Variants in NUBPL observed in about 807,000 individuals in gnomAD.
NUBPL encodes NUBP iron-sulfur cluster assembly factor, mitochondrial.
In NUBPL, 31 loss-of-function variants were observed where a neutral mutation model predicts 45.7. That is an observed-to-expected ratio of 0.68 (90% CI 0.51 to 0.92). The LOEUF is 0.92. Among genes scored for constraint, NUBPL ranks in the 40% least tolerant of loss-of-function variants. NUBPL has a pLI of 0.00. For synonymous variants in NUBPL, 144 were observed against 140.9 expected (o/e 1.02, Z -0.15); for missense variants, 401 against 398.7 (o/e 1.01, Z -0.05).
chr14:31,616,511 C>T (rs1039102097), intron 4 of NUBPL, among the ~76,000 whole-genome samples: 4 of 151,128 alleles, frequency 2.6e-5, no homozygotes, highest in African/African-American at 9.7e-5. Context: ...TTTTTTAACA[C>T]TGTTTATTAA....
intron 4 of NUBPL, among the ~76,000 whole-genome samples, chr14:31,603,569 G>T (rs914802111): frequency 3.9e-5 from 6 of 152,124 alleles, no homozygotes; most frequent in Admixed American, 1.3e-4. Context: ...AGTTAATTCA[G>T]CATTGCTTAC....
intron 4 of NUBPL, among the ~76,000 whole-genome samples, chr14:31,634,734 A>C (rs1370015773): frequency 6.6e-6 from 1 of 151,818 alleles, no homozygotes; most frequent in Non-Finnish European, 1.5e-5. Context: ...ATTTCTCCAC[A>C]TCCTCTCCAG....
At chr14:31,753,556 G>A (rs1221498277) in intron 6 of NUBPL, among the ~76,000 whole-genome samples, 1 of 152,162 alleles carries the variant, frequency 6.6e-6, no homozygotes, top group Admixed American at 6.5e-5. Flanking sequence ...GGAGCCCCAT[G>A]GATGTGGCAA....
At chr14:31,826,774 C>T (rs966080419) in intron 8 of NUBPL, 60 bp downstream of exon 8, 1 of 1,451,274 alleles carries the variant, frequency 6.9e-7, no homozygotes, top group Non-Finnish European at 9.7e-7. Flanking sequence ...AGAAGCAAGT[C>T]ATTGAAAAAT....
At chr14:31,654,567 C>A (rs1045305369) in intron 4 of NUBPL, among the ~76,000 whole-genome samples, 3 of 152,044 alleles carry the variant, frequency 2.0e-5, no homozygotes, top group Non-Finnish European at 2.9e-5. Flanking sequence ...CGCCACCACA[C>A]CTGGCTAATT....
At chr14:31,617,246 C>T (rs963519409) in intron 4 of NUBPL, among the ~76,000 whole-genome samples, 4 of 152,160 alleles carry the variant, frequency 2.6e-5, no homozygotes, top group East Asian at 1.9e-4. Flanking sequence ...TCCTCTCTTC[C>T]TAATTGAATA....
chr14:31,768,867 G>A (rs1375809912), intron 6 of NUBPL, among the ~76,000 whole-genome samples: 1 of 152,148 alleles, frequency 6.6e-6, no homozygotes, highest in Admixed American at 6.5e-5. Flanking sequence ...ATGCAAAGGG[G>A]AAGGTTCACT....
intron 3 of NUBPL, among the ~76,000 whole-genome samples, chr14:31,589,720 AC>A (rs1334066861): frequency 6.6e-6 from 1 of 152,142 alleles, no homozygotes; most frequent in Non-Finnish European, 1.5e-5. Flanking sequence ...GGTAAAAATC[AC>A]CAAACTGCTC....
chr14:31,574,261 A>C (rs1014218983), intron 3 of NUBPL, among the ~76,000 whole-genome samples: 2 of 65,968 alleles, frequency 3.0e-5, no homozygotes, highest in Admixed American at 2.0e-4. Flanking sequence ...TTATGTACTC[A>C]AAAAAAATTT....
At chr14:31,656,669 G>C (rs2036148301) in intron 4 of NUBPL, among the ~76,000 whole-genome samples, 1 of 151,988 alleles carries the variant, frequency 6.6e-6, no homozygotes, top group African/African-American at 2.4e-5. Context: ...ATCTTATGTG[G>C]GTGCAGTTCA....
chr14:31,680,611 A>T (rs2036809358), intron 6 of NUBPL, among the ~76,000 whole-genome samples: 1 of 152,028 alleles, frequency 6.6e-6, no homozygotes, highest in African/African-American at 2.4e-5. Context: ...GTCCCTCAAT[A>T]TCTGTGGGGG....
chr14:31,591,961 C>G (rs2034153923), intron 3 of NUBPL, among the ~76,000 whole-genome samples: 1 of 152,212 alleles, frequency 6.6e-6, no homozygotes, highest in Non-Finnish European at 1.5e-5. Flanking sequence ...AAATAGATAA[C>G]AAACATCCCA....
At chr14:31,658,660 G>A (rs2036198550) in intron 4 of NUBPL, among the ~76,000 whole-genome samples, 1 of 151,926 alleles carries the variant, frequency 6.6e-6, no homozygotes, top group African/African-American at 2.4e-5. Context: ...CTTCAGGCAC[G>A]CGCTACCATG....
At chr14:31,605,877 T>C (rs1304380091) in intron 4 of NUBPL, among the ~76,000 whole-genome samples, 1 of 145,294 alleles carries the variant, frequency 6.9e-6, no homozygotes, top group Non-Finnish European at 1.5e-5. Context: ...TCCTCCCTTC[T>C]TCCTCCTCCT....
At chr14:31,785,146 C>A (rs1375690154) in intron 6 of NUBPL, among the ~76,000 whole-genome samples, 1 of 152,184 alleles carries the variant, frequency 6.6e-6, no homozygotes, top group East Asian at 1.9e-4. Context: ...CAAATAAATT[C>A]TTTGATAAAT....
At chr14:31,808,006 T>C (rs1036243828) in intron 7 of NUBPL, among the ~76,000 whole-genome samples, 9 of 152,244 alleles carry the variant, frequency 5.9e-5, no homozygotes, top group African/African-American at 2.2e-4. Context: ...ACCAGTACCA[T>C]GCTGTGTTGG....
intron 3 of NUBPL, among the ~76,000 whole-genome samples, chr14:31,585,723 A>G (rs2033979233): frequency 1.3e-5 from 2 of 152,024 alleles, no homozygotes; most frequent in Admixed American, 6.5e-5. Context: ...TGTCTTTTTG[A>G]TTATAGTCAT....
At chr14:31,826,531 A>C in intron 7 of NUBPL, 98 bp from the exon 8 acceptor site, 1 of 990,566 alleles carries the variant, frequency 1.0e-6, no homozygotes, top group South Asian at 1.3e-5. Context: ...TAAATAGTTA[A>C]CGTAATAGAC....
At chr14:31,602,691 C>G (rs2034476632) in intron 4 of NUBPL, among the ~76,000 whole-genome samples, 1 of 151,994 alleles carries the variant, frequency 6.6e-6, no homozygotes, top group Middle Eastern at 3.2e-3. Flanking sequence ...ATGCATTTAG[C>G]AGAATTTCTG....
Sources: gnomAD v4.1 joint callset for allele counts (sites outside exome capture counted in the v4.1 genomes callset) on GRCh38, gnomAD v4.1.1 for gene constraint, MANE v1.5 for transcripts, NCBI Gene and HGNC (gene_info 2026-07-23, HGNC 2026-07-21) for gene names.